Variants in CNGB1 observed in about 807,000 individuals in gnomAD.
CNGB1 encodes cyclic nucleotide-gated channel beta-1.
Under a neutral mutation model 151.7 loss-of-function variants are expected in CNGB1, and 126 were observed. The observed-to-expected ratio is 0.83, with a 90% CI of 0.72 to 0.96. The LOEUF (loss-of-function observed/expected upper bound fraction) is 0.96, where lower values mean the gene tolerates loss of function less well. Among genes scored for constraint, CNGB1 ranks in the 40% least tolerant of loss-of-function variants. The pLI is 0.00. For synonymous variants in CNGB1, 623 were observed against 635.1 expected, an observed-to-expected ratio of 0.98 and a Z score of 0.29; for missense variants, 1,698 against 1,627.0, an observed-to-expected ratio of 1.04 and a Z score of -0.75.
Position 57,888,073 on chromosome 16 carries a change from G to A in CNGB1, c.3244C>T (p.Arg1082Cys), listed in dbSNP as rs199780945. The A allele has an allele frequency of 1.1e-4, 182 of 1,613,498 alleles. No homozygotes were observed. Among genetic ancestry groups the A allele is most frequent in the Admixed American group, 2.5e-4 (15 of 60,010 alleles). The change falls in exon 32 of 33, where the codon CGC becomes TGC. Residue 1082 changes from arginine to cysteine, a missense_variant and splice_region_variant. Transcript: ENST00000251102. ...SQKLLRKKAR[R>C]MLRSNNKPKE... ...GGCTTATTGTTGCTTCTCAGCATGCGCCTGGAAGAAAGCAGCATCCATTGA... is the reference window on the plus strand; with the variant it reads ...GGCTTATTGTTGCTTCTCAGCATGCACCTGGAAGAAAGCAGCATCCATTGA...
chr16:57,963,709 A>G (rs1295449970), intron 4 of CNGB1, among the ~76,000 whole-genome samples: 1 of 152,120 alleles, frequency 6.6e-6, no homozygotes, highest in Non-Finnish European at 1.5e-5. Context: ...CATCTCACCC[A>G]AGCACTGAGA....
intron 31 of CNGB1, among the ~76,000 whole-genome samples, chr16:57,892,462 C>A (rs1363477447): frequency 1.3e-5 from 2 of 152,084 alleles, no homozygotes; most frequent in Non-Finnish European, 2.9e-5. Context: ...TTGAGAGCAA[C>A]CAGGTAAGGT....
At chr16:57,915,519 T>C in intron 22 of CNGB1, among the ~76,000 whole-genome samples, 184 bp from the exon 23 acceptor site, 1 of 152,164 alleles carries the variant, frequency 6.6e-6, no homozygotes, top group Non-Finnish European at 1.5e-5. Context: ...AAAGCCCGTG[T>C]TGCCAGCCCC....
chr16:57,908,623 C>T (rs377156214), intron 25 of CNGB1, among the ~76,000 whole-genome samples: 121 of 152,352 alleles, frequency 7.9e-4, no homozygotes, highest in African/African-American at 2.7e-3. Context: ...GGTGAGGGAA[C>T]TGAGGCCCAG....
chr16:57,894,416 C>T (rs542752329), intron 31 of CNGB1, among the ~76,000 whole-genome samples: 3 of 152,288 alleles, frequency 2.0e-5, no homozygotes, highest in South Asian at 2.1e-4. Flanking sequence ...GCCTGGCCAA[C>T]GTGGCAAAGC....
At chr16:57,902,779 A>T (rs1260278880) in intron 27 of CNGB1, among the ~76,000 whole-genome samples, 2 of 150,296 alleles carry the variant, frequency 1.3e-5, no homozygotes, top group Non-Finnish European at 3.0e-5. Context: ...GCCCAGCTAA[A>T]TTTTTTGACT....
chr16:57,897,464 T>C lies in CNGB1; in HGVS notation c.3175A>G (p.Lys1059Glu), dbSNP rs752290959. The C allele has an allele frequency of 3.1e-6, 5 of 1,614,220 alleles. No homozygotes were observed. Among genetic ancestry groups the C allele is most frequent in the Non-Finnish European group, 4.2e-6 (5 of 1,180,038 alleles). The change falls in exon 31 of 33, where the codon AAG becomes GAG. Residue 1059 changes from lysine to glutamate, a missense_variant. Coordinates refer to ENST00000251102, the MANE Select transcript of CNGB1 (RefSeq NM_001297.5). ...HGFTNLFILDKKDLNEILVHY... is the reference protein window; with the variant it reads ...HGFTNLFILDEKDLNEILVHY... The stretch of plus-strand genomic sequence containing the variant: ...ACCAAAATCTCATTCAGGTCCTTCT[T>C]ATCCAGGATGAAGAGGTTGGTAAAC...
At chr16:57,926,693 A>G (rs1018544084) in intron 17 of CNGB1, among the ~76,000 whole-genome samples, 1 of 152,210 alleles carries the variant, frequency 6.6e-6, no homozygotes, top group Admixed American at 6.5e-5. Context: ...GAAAGTGCAC[A>G]CTGCCGCTGG....
chr16:57,908,533 G>A (rs575785609), intron 25 of CNGB1, among the ~76,000 whole-genome samples: 10 of 152,380 alleles, frequency 6.6e-5, no homozygotes, highest in Admixed American at 4.6e-4. Flanking sequence ...ACTGTGCCCA[G>A]GCACTGAGGC....
At chr16:57,968,410 T>A (rs909691637) in intron 1 of CNGB1, among the ~76,000 whole-genome samples, 1 of 151,856 alleles carries the variant, frequency 6.6e-6, no homozygotes, top group Non-Finnish European at 1.5e-5. Context: ...GGCATGAGAA[T>A]CTCTTGAACC....
At chr16:57,969,200 G>A (rs11647364) in intron 1 of CNGB1, among the ~76,000 whole-genome samples, 87,252 of 151,984 alleles carry the variant, frequency 0.57, 26,031 homozygotes, top group Non-Finnish European at 0.67. Flanking sequence ...CAGCTACTCC[G>A]GAGGCTGAGG....
rs1210360545 is a variant in CNGB1, at chr16:57,931,608, G to A, written c.1535+108C>T. On this transcript the variant is annotated intron_variant, in intron 17 of 32. Transcript: ENST00000251102. ...GTCCCACTTCTGACACCAACTCGCT[G>A]TGTGATTTTAGTCCAGCTGCTTCTC... The A allele has an allele frequency of 1.9e-5, 25 of 1,286,280 alleles. No individual in the cohort carries two copies. The East Asian group carries it at 6.2e-4, about 32-fold the overall frequency. 79.7% of individuals were successfully genotyped at this position (1,286,280 alleles called of 1,614,324 possible).
At chr16:57,891,616 G>T (rs1185178669) in intron 31 of CNGB1, among the ~76,000 whole-genome samples, 2 of 152,056 alleles carry the variant, frequency 1.3e-5, no homozygotes, top group Admixed American at 1.3e-4. Flanking sequence ...CATTACAGTG[G>T]TGTGATCTTG....
In CNGB1 at chr16:57,897,908, T is replaced by C. The variant is rs780587560; in HGVS notation, c.2983A>G (p.Ile995Val). Residue 995 changes from isoleucine to valine, a missense_variant, in exon 30 of 33, where the codon ATC becomes GTC. Coordinates refer to ENST00000251102, the MANE Select transcript of CNGB1 (RefSeq NM_001297.5). The part of the protein sequence containing the change: ...PNDYVCKKGE[I>V]GREMYIIQAG... ...TGGATGATGTACATCTCACGGCCGA[T>C]CTCCCCCTGAAACAAAGAAGTGACA... 6.2e-7 allele frequency: 1 copy of C among 1,614,062 alleles called. No individual in the cohort carries two copies. The highest frequency in any genetic ancestry group is 8.5e-7 in the Non-Finnish European group (1 of 1,179,968).
chr16:57,917,600 GTGTGTA>G (rs1463890594), intron 20 of CNGB1, 124 bp from the exon 21 acceptor site: 2 of 700,494 alleles, frequency 2.9e-6, no homozygotes, highest in African/African-American at 4.8e-5. Context: ...TTGTAAGAGT[GTGTGTA>G]TGTGTGTGTG....
chr16:57,950,515 C>T lies in CNGB1; in HGVS notation c.900G>A (p.Val300=). ...QTISILPGGQ[V]EPDLVLEEVE... ...CCTCCTCTAGGACAAGGTCAGGCTC[C>T]ACTTGTCCTCCAGGAAGGATGCTGA... Residue 300 remains valine (V), a synonymous_variant, in exon 13 of 33, where the codon GTG becomes GTA. Transcript: ENST00000251102. 1 of 1,614,202 alleles carries T rather than the reference C, an allele frequency of 6.2e-7. No homozygotes were observed. Among genetic ancestry groups the T allele is most frequent in the Non-Finnish European group, 8.5e-7 (1 of 1,180,036 alleles).
intron 14 of CNGB1, among the ~76,000 whole-genome samples, chr16:57,944,499 T>C (rs1376891227): frequency 1.3e-5 from 2 of 152,172 alleles, no homozygotes; most frequent in East Asian, 3.8e-4. Flanking sequence ...GCAATGTATT[T>C]GTAAAAATTG....
intron 26 of CNGB1, 85 bp downstream of exon 26, chr16:57,904,649 G>T: frequency 1.3e-6 from 2 of 1,585,874 alleles, no homozygotes; most frequent in Non-Finnish European, 1.7e-6. Flanking sequence ...CAAAAGCAAC[G>T]GGCACAGAGG....
chr16:57,963,185 T>G (rs551218118), intron 4 of CNGB1, 121 bp from the exon 5 acceptor site: 1 of 840,658 alleles, frequency 1.2e-6, no homozygotes, highest in Non-Finnish European at 2.1e-6. Context: ...ATGTGTGTGG[T>G]GTGGTTATTG....
Sources: gnomAD v4.1 joint callset for allele counts (sites outside exome capture counted in the v4.1 genomes callset) on GRCh38, gnomAD v4.1.1 for gene constraint, MANE v1.5 for transcripts, NCBI Gene and HGNC (gene_info 2026-07-23, HGNC 2026-07-21) for gene names.